PFKP: variants seen among roughly 807,000 people sequenced by gnomAD.
The protein encoded by PFKP is ATP-dependent 6-phosphofructokinase, platelet type.
PFKP carries 101 observed loss-of-function variants against 94.3 expected under a neutral mutation model. That is an observed-to-expected ratio of 1.07 (90% CI 0.91 to 1.26). The LOEUF is 1.26. PFKP is among the 50% of genes most tolerant of loss of function. The pLI, the probability that PFKP is intolerant of heterozygous loss-of-function variation, is 0.00. For synonymous variants in PFKP, 573 were observed against 432.6 expected, an observed-to-expected ratio of 1.32 and a Z score of -4.03; for missense variants, 1,145 against 1,103.3, an observed-to-expected ratio of 1.04 and a Z score of -0.53.
intron 16 of PFKP, among the ~76,000 whole-genome samples, chr10:3,120,247 T>C (rs1041843975): frequency 6.6e-6 from 1 of 152,126 alleles, no homozygotes; most frequent in Non-Finnish European, 1.5e-5. Context: ...TACCACCTCT[T>C]CTTCTGTGTG....
intron 1 of PFKP, among the ~76,000 whole-genome samples, chr10:3,080,540 A>AAAAAAAAAAAT (rs1832986639): frequency 9.6e-6 from 1 of 103,832 alleles, no homozygotes. Context: ...AAAAAAAAAA[A>AAAAAAAAAAAT]GAGAATATTG....
Position 3,129,929 on chromosome 10 carries a change from C to T in PFKP, c.1794C>T (p.Ala598=), listed in dbSNP as rs1052333. ...TGGCCAACATGGGGGGGCTCGCGGCCGGAGCTGATGCCGCATACATTTTCG... is the reference window on the plus strand; with the variant it reads ...TGGCCAACATGGGGGGGCTCGCGGCTGGAGCTGATGCCGCATACATTTTCG... ...GYLANMGGLA[A]GADAAYIFEE... The change falls in exon 17 of 22, where the codon GCC becomes GCT. Residue 598 remains alanine (A), a synonymous_variant. Transcript: ENST00000381125. 602,254 of 1,608,966 alleles carry T rather than the reference C, an allele frequency of 0.37. 113,738 individuals carry two copies. The highest frequency in any genetic ancestry group is 0.45 in the African/African-American group (33,803 of 74,870).
intron 10 of PFKP, 112 bp from the exon 11 acceptor site, chr10:3,112,110 G>C (rs1048942711): frequency 9.4e-6 from 8 of 848,186 alleles, no homozygotes; most frequent in Admixed American, 1.8e-5. Context: ...CTGGCTGCCC[G>C]GGTCAGACTG....
At position 3,107,369 on chromosome 10, in the gene PFKP, C is replaced by A. The variant is rs574114721; in HGVS notation, c.870+60C>A. The A allele has an allele frequency of 1.0e-5, 10 of 992,778 alleles. No homozygotes were observed. In the East Asian group the frequency reaches 2.2e-4, roughly 21 times the overall value. 61.5% of individuals were successfully genotyped at this position (992,778 alleles called of 1,614,324 possible). On this transcript the variant is annotated intron_variant, in intron 8 of 21. Coordinates refer to ENST00000381125, the MANE Select transcript of PFKP (RefSeq NM_002627.5). The stretch of plus-strand genomic sequence containing the variant: ...TCTGCCTGGAAGCAGGGGAGGCTAG[C>A]GTCATGGGCAGGCTTGGTTTAGAAC...
At chr10:3,100,364 G>T (rs1316370060) in intron 3 of PFKP, among the ~76,000 whole-genome samples, 1 of 152,118 alleles carries the variant, frequency 6.6e-6, no homozygotes, top group Non-Finnish European at 1.5e-5. Flanking sequence ...ACGTAGGATC[G>T]TGTGGAGTGA....
At chr10:3,099,071 C>T (rs183293324) in intron 2 of PFKP, among the ~76,000 whole-genome samples, 8 of 152,262 alleles carry the variant, frequency 5.3e-5, no homozygotes, top group Admixed American at 2.0e-4. Context: ...TCTAGGCAGA[C>T]GTTCCCATTA....
At chr10:3,128,348 A>G (rs1369751234) in intron 16 of PFKP, among the ~76,000 whole-genome samples, 1 of 152,214 alleles carries the variant, frequency 6.6e-6, no homozygotes, top group Non-Finnish European at 1.5e-5. Context: ...GGTGGCTCCG[A>G]GAGCCCCTGA....
At chr10:3,111,099 T>G (rs1025154014) in intron 10 of PFKP, among the ~76,000 whole-genome samples, 3 of 152,110 alleles carry the variant, frequency 2.0e-5, no homozygotes, top group African/African-American at 4.8e-5. Context: ...TGTGCATGTA[T>G]GCTTATATGC....
At chr10:3,127,857 C>G (rs1175975845) in intron 16 of PFKP, among the ~76,000 whole-genome samples, 1 of 152,192 alleles carries the variant, frequency 6.6e-6, no homozygotes, top group Non-Finnish European at 1.5e-5. Context: ...AAGAATCTGC[C>G]AAAGAAACTG....
intron 1 of PFKP, among the ~76,000 whole-genome samples, chr10:3,075,780 C>T (rs1832528837): frequency 6.6e-6 from 1 of 150,800 alleles, no homozygotes; most frequent in African/African-American, 2.4e-5. Flanking sequence ...CGGTGCACAC[C>T]TACAGTCCCA....
intron 2 of PFKP, among the ~76,000 whole-genome samples, chr10:3,085,377 C>G (rs934814857): frequency 7.1e-3 from 3 of 424 alleles, no homozygotes; most frequent in African/African-American, 0.018. Context: ...CCAGCACAGT[C>G]CCCCACTCCA....
intron 8 of PFKP, 88 bp from the exon 9 acceptor site, chr10:3,108,613 C>T (rs569563024): frequency 3.1e-6 from 3 of 962,358 alleles, no homozygotes; most frequent in East Asian, 4.8e-5. Context: ...GAGCGAAAAA[C>T]CTTTTCCAGT....
chr10:3,077,382 C>T (rs1832697843), intron 1 of PFKP, among the ~76,000 whole-genome samples: 1 of 150,072 alleles, frequency 6.7e-6, no homozygotes, highest in African/African-American at 2.5e-5. Context: ...CTGCCTCAGC[C>T]TCCCAAGTAG....
At chr10:3,108,001 A>G in intron 8 of PFKP, 6 of 1,289,704 alleles carry the variant, frequency 4.7e-6, no homozygotes, top group Non-Finnish European at 6.1e-6. Context: ...GTGCTTTGTT[A>G]TGGTCAGTTA....
Position 3,133,294 on chromosome 10 carries a change from G to A in PFKP, c.2002G>A (p.Val668Met), listed in dbSNP as rs1838811758. 2 of 1,612,662 alleles carry A rather than the reference G, an allele frequency of 1.2e-6. No individual in the cohort carries two copies. The highest frequency in any genetic ancestry group is 1.1e-5 in the South Asian group (1 of 91,052). ...GKGVFDCRKNVLGHMQQGGAP... is the reference protein window; with the variant it reads ...GKGVFDCRKNMLGHMQQGGAP... ...AGGCGTGTTTGACTGCAGGAAGAAC[G>A]TGCTGGGTCACATGCAGCAGGTAGG... The change falls in exon 19 of 22, where the codon GTG (valine) becomes ATG (methionine). Residue 668 changes from valine (V) to methionine (M), a missense_variant. Coordinates refer to ENST00000381125, the MANE Select transcript of PFKP (RefSeq NM_002627.5).
In PFKP at chr10:3,109,477, G is replaced by C; in HGVS notation, c.1086G>C (p.Gln362His). The C allele has an allele frequency of 6.2e-7, 1 of 1,604,042 alleles. No homozygotes were observed. The highest frequency in any genetic ancestry group is 8.5e-7 in the Non-Finnish European group (1 of 1,179,694). The change falls in exon 10 of 22, where the codon CAG becomes CAC. Residue 362 changes from glutamine (Q) to histidine (H), a missense_variant. By Grantham distance (24) the Gln-to-His change is conservative. This residue lies in a region of PFKP where 1,119 missense variants were observed against 1,062.8 expected (regional missense o/e 1.05). Coordinates refer to ENST00000381125, the MANE Select transcript of PFKP (RefSeq NM_002627.5). ...AVRLPLMECV[Q>H]MTQDVQKAMD... ...GCCTGCCGCTGATGGAGTGCGTGCAGATGGTGAGTGGGCAGCCCATGGCCA... is the reference window on the plus strand; with the variant it reads ...GCCTGCCGCTGATGGAGTGCGTGCACATGGTGAGTGGGCAGCCCATGGCCA...
intron 8 of PFKP, among the ~76,000 whole-genome samples, chr10:3,108,278 C>T (rs912795426): frequency 3.3e-5 from 5 of 152,282 alleles, no homozygotes; most frequent in South Asian, 2.1e-4. Flanking sequence ...TGGGCTGGGG[C>T]GAGGGGAACG....
Position 3,082,452 on chromosome 10 carries a change from C to A in PFKP, c.177C>A (p.Phe59Leu). The A allele has an allele frequency of 6.2e-7, 1 of 1,605,780 alleles. No individual in the cohort carries two copies. Among genetic ancestry groups the A allele is most frequent in the Non-Finnish European group, 8.5e-7 (1 of 1,174,528 alleles). ...MGIYVGAKVYFIYEGYQGMVD... is the reference protein window; with the variant it reads ...MGIYVGAKVYLIYEGYQGMVD... Reference sequence around the variant, plus strand: ...TCTACGTGGGGGCCAAGGTGTACTTCATCTACGAGGTCAGTGTCTGCCCCT... The same window carrying A: ...TCTACGTGGGGGCCAAGGTGTACTTAATCTACGAGGTCAGTGTCTGCCCCT... The change falls in exon 2 of 22, where the codon TTC (phenylalanine) becomes TTA (leucine). Residue 59 changes from phenylalanine (F) to leucine (L), a missense_variant. Coordinates refer to ENST00000381125, the MANE Select transcript of PFKP (RefSeq NM_002627.5).
At chr10:3,074,878 C>T (rs749005022) in intron 1 of PFKP, among the ~76,000 whole-genome samples, 84 of 152,326 alleles carry the variant, frequency 5.5e-4, no homozygotes, top group Non-Finnish European at 9.7e-4. Flanking sequence ...ATTAAAGACA[C>T]ACACACACAA....
Sources: allele counts gnomAD v4.1 joint callset (sites outside exome capture counted in the v4.1 genomes callset), GRCh38; gene constraint gnomAD v4.1.1; regional missense constraint gnomAD v4.1.1; transcripts MANE v1.5; gene names NCBI Gene and HGNC (gene_info 2026-07-23, HGNC 2026-07-21).